The following WSCD2 variants were observed in gnomAD, a reference collection of about 807,000 sequenced individuals.
WSCD2 encodes the protein sialate:O-sulfotransferase 2.
A neutral mutation model predicts 55.7 loss-of-function variants in WSCD2; 28 were observed. The observed-to-expected ratio is 0.50, with a 90% CI of 0.37 to 0.69. The LOEUF (loss-of-function observed/expected upper bound fraction) is 0.69, where lower values mean the gene tolerates loss of function less well. WSCD2 is among the 30% of genes least tolerant of loss of function. WSCD2 has a pLI of 0.00. For missense variants in WSCD2, 616 were observed against 762.1 expected, an observed-to-expected ratio of 0.81 and a Z score of 2.26; for synonymous variants, 301 against 301.9, an observed-to-expected ratio of 1.00 and a Z score of 0.03.
At chr12:108,160,359 A>G (rs1235839238) in intron 1 of WSCD2, among the ~76,000 whole-genome samples, 1 of 152,196 alleles carries the variant, frequency 6.6e-6, no homozygotes, top group Non-Finnish European at 1.5e-5. Flanking sequence ...AATACCTGAG[A>G]CTGGGTAATT....
intron 1 of WSCD2, among the ~76,000 whole-genome samples, chr12:108,191,363 A>C (rs1333578458): frequency 6.6e-6 from 1 of 152,204 alleles, no homozygotes; most frequent in African/African-American, 2.4e-5. Flanking sequence ...CTAGAGAGAG[A>C]CTTGGAGAGA....
chr12:108,205,190 G>A (rs939619092), intron 2 of WSCD2, among the ~76,000 whole-genome samples: 1 of 152,190 alleles, frequency 6.6e-6, no homozygotes, highest in Non-Finnish European at 1.5e-5. Context: ...AACTCAAAAA[G>A]CAAGCAGTTC....
chr12:108,192,309 T>C (rs1241258699), intron 1 of WSCD2, among the ~76,000 whole-genome samples: 4 of 152,180 alleles, frequency 2.6e-5, no homozygotes, highest in African/African-American at 9.7e-5. Flanking sequence ...GTGAGGAACC[T>C]GAGTCTTGCT....
chr12:108,166,761 T>TTTTTCTTTCTTTCTTTCTTTC lies in WSCD2; in HGVS notation c.-551-28518_-551-28517insTCTTTCTTTCTTTCTTTCTTT, dbSNP rs1555225181. ...CTTTCTTTCCTTCTTTCTTTCTTTC[T>TTTTTCTTTCTTTCTTTCTTTC]TTTCTTTCTTTCTTTCTTTCTTTCT... On this transcript the variant is annotated intron_variant, in intron 1 of 8. Coordinates refer to ENST00000547525, the MANE Select transcript of WSCD2 (RefSeq NM_014653.4). Among the ~76,000 whole-genome samples the TTTTTCTTTCTTTCTTTCTTTC allele has an allele frequency of 3.2e-3, 399 of 124,880 alleles. 6 individuals carry two copies. The highest frequency in any genetic ancestry group is 0.012 in the African/African-American group (385 of 32,688). 81.9% of individuals were successfully genotyped at this position (124,880 alleles called of 152,430 possible).
At chr12:108,172,035 T>C (rs989634848) in intron 1 of WSCD2, among the ~76,000 whole-genome samples, 16 of 152,108 alleles carry the variant, frequency 1.1e-4, no homozygotes, top group African/African-American at 3.4e-4. Flanking sequence ...TTGTTGAGAG[T>C]TAATATATGA....
intron 1 of WSCD2, among the ~76,000 whole-genome samples, chr12:108,156,497 G>A (rs1878524608): frequency 6.6e-6 from 1 of 152,170 alleles, no homozygotes; most frequent in South Asian, 2.1e-4. Context: ...ATGACCTTGG[G>A]TTGTTGAGCA....
chr12:108,151,451 C>T (rs1282415246), intron 1 of WSCD2, among the ~76,000 whole-genome samples: 2 of 152,222 alleles, frequency 1.3e-5, no homozygotes, highest in African/African-American at 2.4e-5. Context: ...AAATGACCTC[C>T]TCCCCAGGGG....
At chr12:108,197,227 A>G (rs1884037045) in intron 2 of WSCD2, 1 of 152,210 alleles carries the variant, frequency 6.6e-6, no homozygotes, top group Non-Finnish European at 1.5e-5. Context: ...TTCAACTCAT[A>G]AAAAACCCTT....
At chr12:108,212,613 T>TCACA (rs71823965) in intron 4 of WSCD2, among the ~76,000 whole-genome samples, 2,269 of 138,600 alleles carry the variant, frequency 0.016, 80 homozygotes, top group East Asian at 0.14. Context: ...TCTCTCTCTC[T>TCACA]CACACACACA....
chr12:108,221,453 GGAT>G (rs1226103060), intron 4 of WSCD2, among the ~76,000 whole-genome samples: 1 of 152,162 alleles, frequency 6.6e-6, no homozygotes, highest in Non-Finnish European at 1.5e-5. Flanking sequence ...GTACTCAGGA[GGAT>G]GAGGCAGGAA....
chr12:108,225,153 G>T (rs987408481), intron 5 of WSCD2, among the ~76,000 whole-genome samples: 1 of 152,182 alleles, frequency 6.6e-6, no homozygotes, highest in Non-Finnish European at 1.5e-5. Flanking sequence ...AAATATCCCA[G>T]ATTGGGTAAT....
intron 1 of WSCD2, among the ~76,000 whole-genome samples, chr12:108,139,551 C>A (rs760547258): frequency 6.6e-6 from 1 of 152,208 alleles, no homozygotes; most frequent in Non-Finnish European, 1.5e-5. Context: ...AACTGCTTGG[C>A]TTCACAGCCC....
chr12:108,175,061 T>C (rs561670265), intron 1 of WSCD2, among the ~76,000 whole-genome samples: 148 of 152,202 alleles, frequency 9.7e-4, no homozygotes, highest in Non-Finnish European at 1.6e-3. Context: ...GAGCCGAGCA[T>C]GCATCAGCTT....
chr12:108,164,139 C>CTTTTTTTT (rs1555224800), intron 1 of WSCD2, among the ~76,000 whole-genome samples: 3 of 85,302 alleles, frequency 3.5e-5, no homozygotes, highest in African/African-American at 1.4e-4. Context: ...ATCTTAAATC[C>CTTTTTTTT]TTTTTTTTTT....
At chr12:108,135,962 C>T (rs1328006180) in intron 1 of WSCD2, among the ~76,000 whole-genome samples, 1 of 152,186 alleles carries the variant, frequency 6.6e-6, no homozygotes, top group Admixed American at 6.5e-5. Flanking sequence ...TACTATCTGG[C>T]CCTTTACAGA....
intron 3 of WSCD2, among the ~76,000 whole-genome samples, chr12:108,208,781 G>A (rs1885760880): frequency 6.6e-6 from 1 of 152,168 alleles, no homozygotes. Flanking sequence ...TCAGGGAAGT[G>A]GTCTACATTC....
intron 1 of WSCD2, among the ~76,000 whole-genome samples, chr12:108,181,611 TG>T (rs1267249202): frequency 6.6e-6 from 1 of 152,192 alleles, no homozygotes; most frequent in Non-Finnish European, 1.5e-5. Context: ...AAGGGTTTTT[TG>T]TTTATTTGTT....
In WSCD2 at chr12:108,249,038, G is replaced by A; in HGVS notation, c.*695G>A. 4.0e-6 allele frequency: 2 copies of A among 498,974 alleles called. No individual in the cohort carries two copies. Among genetic ancestry groups the A allele is most frequent in the Non-Finnish European group, 5.2e-6 (2 of 385,078 alleles). The allele number at this position is 498,974 out of a possible 1,614,324, so 30.9% of individuals were successfully genotyped here. On this transcript the variant is annotated 3_prime_UTR_variant, in exon 9 of 9. Transcript: ENST00000547525. ...AGCTGCTTGCCTTTCCACCTCCAGG[G>A]CATGAACCCTGCCCCTTTCTATCCA...
At chr12:108,166,403 T>C (rs1235789870) in intron 1 of WSCD2, among the ~76,000 whole-genome samples, 1 of 152,234 alleles carries the variant, frequency 6.6e-6, no homozygotes, top group Non-Finnish European at 1.5e-5. Context: ...TTGAGATTCT[T>C]AGGGTGTCTG....
Sources: gnomAD v4.1 joint callset for allele counts (sites outside exome capture counted in the v4.1 genomes callset) on GRCh38, gnomAD v4.1.1 for gene constraint, MANE v1.5 for transcripts, NCBI Gene and HGNC (gene_info 2026-07-23, HGNC 2026-07-21) for gene names.